The following MILR1 variants were observed in gnomAD, a reference collection of about 807,000 sequenced individuals.
The protein encoded by MILR1 is mast cell immunoglobulin like receptor 1, also known as allergin-1.
In MILR1, 31 loss-of-function variants were observed where a neutral mutation model predicts 18.5. The ratio of observed to expected loss-of-function variants is 1.68; its 90% CI spans 1.26 to 2.26. MILR1 has a LOEUF of 2.26. Ranked by LOEUF, MILR1 falls within the 30% of genes most tolerant of loss-of-function variation. The pLI is 0.00. For synonymous variants in MILR1, 85 were observed against 56.2 expected (o/e 1.51, Z -2.30); for missense variants, 257 against 157.4 (o/e 1.63, Z -3.38).
chr17:64,468,995 G>A (rs1309375788), downstream of MILR1, among the ~76,000 whole-genome samples: 4 of 152,092 alleles, frequency 2.6e-5, no homozygotes, highest in South Asian at 2.1e-4. Flanking sequence ...GCTGAGGCAT[G>A]AGAATCGCTT....
chr17:64,474,916 A>C, the MILR1 span, among the ~76,000 whole-genome samples: 1 of 152,122 alleles, frequency 6.6e-6, no homozygotes, highest in Non-Finnish European at 1.5e-5. Flanking sequence ...GAGGCTGGCC[A>C]GGCACAGTGG....
chr17:64,467,808 G>A, intron 9 of MILR1, 163 bp downstream of exon 9: 1 of 491,266 alleles, frequency 2.0e-6, no homozygotes, highest in Admixed American at 3.4e-5. Context: ...GGTGGTGTGT[G>A]TGTGTAGTCC....
chr17:64,472,604 C>T (rs1411320367), downstream of MILR1, among the ~76,000 whole-genome samples: 2 of 148,104 alleles, frequency 1.4e-5, no homozygotes, highest in Non-Finnish European at 3.0e-5. Flanking sequence ...CGTGTTTTTA[C>T]TGTACCTTTT....
At chr17:64,486,222 T>C in the MILR1 span, among the ~76,000 whole-genome samples, 1 of 152,208 alleles carries the variant, frequency 6.6e-6, no homozygotes, top group African/African-American at 2.4e-5. Context: ...TTTAAAACTA[T>C]GGTGCTTGGT....
the MILR1 span, among the ~76,000 whole-genome samples, chr17:64,478,770 G>A: frequency 0.28 from 42,020 of 151,756 alleles, 11,215 homozygotes; most frequent in African/African-American, 0.7. Flanking sequence ...GGTGGCAGGC[G>A]CATGTAATCC....
rs1380448182 is a variant in MILR1 at position 64,466,484 on chromosome 17, C to G, written c.896C>G (p.Ser299Cys). The G allele has an allele frequency of 6.2e-7, 1 of 1,613,706 alleles. No homozygotes were observed. Among genetic ancestry groups the G allele is most frequent in the Non-Finnish European group, 8.5e-7 (1 of 1,179,840 alleles). The change falls in exon 7 of 10, where the codon TCC becomes TGC. Residue 299 changes from serine (S) to cysteine (C), a missense_variant. By Grantham distance (112) the Ser-to-Cys change is moderately radical. Coordinates refer to ENST00000619286, the MANE Select transcript of MILR1 (RefSeq NM_001085423.2). Reference sequence around the variant, plus strand: ...GAAGTGGGATCCAGGCCGTGTGTTTCCACAGCCCAAGATGGTGAGCATGTT... The same window carrying G: ...GAAGTGGGATCCAGGCCGTGTGTTTGCACAGCCCAAGATGGTGAGCATGTT... ...VPEVGSRPCV[S>C]TAQDEAKHSQ...
At chr17:64,454,488 A>G (rs2037246108) in intron 3 of MILR1, among the ~76,000 whole-genome samples, 1 of 152,230 alleles carries the variant, frequency 6.6e-6, no homozygotes, top group Non-Finnish European at 1.5e-5. Flanking sequence ...TGGCTGCCAC[A>G]TTGGACAACA....
the MILR1 span, among the ~76,000 whole-genome samples, chr17:64,495,399 G>C: frequency 6.6e-6 from 1 of 151,964 alleles, no homozygotes; most frequent in African/African-American, 2.4e-5. Context: ...GGACAACATG[G>C]CAAAACCTCA....
intron 4 of MILR1, among the ~76,000 whole-genome samples, chr17:64,458,317 A>C (rs1480785050): frequency 6.6e-6 from 1 of 150,816 alleles, no homozygotes; most frequent in East Asian, 2.0e-4. Flanking sequence ...GGTTCTAGAG[A>C]TTCTTGTGCC....
At chr17:64,495,377 C>G in the MILR1 span, among the ~76,000 whole-genome samples, 1 of 152,024 alleles carries the variant, frequency 6.6e-6, no homozygotes, top group Non-Finnish European at 1.5e-5. Flanking sequence ...CTCAGGAGTT[C>G]AAGACCAGCC....
chr17:64,449,771 TA>T (rs1187934007), intron 2 of MILR1, among the ~76,000 whole-genome samples: 1 of 151,796 alleles, frequency 6.6e-6, no homozygotes, highest in Non-Finnish European at 1.5e-5. Context: ...CCTCGTTTCT[TA>T]AAAAAATAAA....
intron 2 of MILR1, among the ~76,000 whole-genome samples, chr17:64,450,255 T>C (rs2037138889): frequency 6.6e-6 from 1 of 152,030 alleles, no homozygotes; most frequent in African/African-American, 2.4e-5. Flanking sequence ...TGAAGTGGGC[T>C]AATAAAAGCA....
At chr17:64,452,080 ATGT>A (rs2037184418) in intron 2 of MILR1, among the ~76,000 whole-genome samples, 1 of 110,202 alleles carries the variant, frequency 9.1e-6, no homozygotes, top group African/African-American at 3.5e-5. Flanking sequence ...GGTCCCAGCT[ATGT>A]TTTTTTTTTT....
downstream of MILR1, among the ~76,000 whole-genome samples, chr17:64,472,144 A>G (rs2037695077): frequency 6.6e-6 from 1 of 152,186 alleles, no homozygotes; most frequent in East Asian, 1.9e-4. Flanking sequence ...TAATTAGATG[A>G]AACATTTAAA....
chr17:64,465,555 G>A lies in MILR1; in HGVS notation c.853+14G>A. Reference sequence around the variant, plus strand: ...AAAAACAAGCAAGTAAGAGAACTTTGTTGCGTGTTTTGGGTGGTTTCAGGT... The same window carrying A: ...AAAAACAAGCAAGTAAGAGAACTTTATTGCGTGTTTTGGGTGGTTTCAGGT... On this transcript the variant is annotated intron_variant, in intron 6 of 9. Coordinates refer to ENST00000619286, the MANE Select transcript of MILR1 (RefSeq NM_001085423.2). 1 of 1,596,080 alleles carries A rather than the reference G, an allele frequency of 6.3e-7. No homozygotes were observed. The highest frequency in any genetic ancestry group is 1.1e-5 in the South Asian group (1 of 87,794).
At chr17:64,486,995 T>A in the MILR1 span, 1 of 152,230 alleles carries the variant, frequency 6.6e-6, no homozygotes, top group Admixed American at 6.5e-5. Flanking sequence ...CACTTTCATC[T>A]TTCTTTTTTT....
the MILR1 span, chr17:64,480,448 T>C: frequency 1.2e-6 from 1 of 842,250 alleles, no homozygotes; most frequent in Non-Finnish European, 2.0e-6. Context: ...AGAGTGATTA[T>C]TCTATTTTTG....
downstream of MILR1, among the ~76,000 whole-genome samples, chr17:64,471,188 A>G (rs1228616669): frequency 6.6e-6 from 1 of 152,064 alleles, no homozygotes; most frequent in Non-Finnish European, 1.5e-5. Context: ...AGGTGGCCCT[A>G]GGAAGCAGGC....
At chr17:64,471,828 A>T (rs1419780273), downstream of MILR1, among the ~76,000 whole-genome samples, 1 of 152,234 alleles carries the variant, frequency 6.6e-6, no homozygotes, top group Non-Finnish European at 1.5e-5. Context: ...GAACAATGGA[A>T]CGGAAAGTCC....
Sources: allele counts gnomAD v4.1 joint callset (sites outside exome capture counted in the v4.1 genomes callset), GRCh38; gene constraint gnomAD v4.1.1; transcripts MANE v1.5; gene names NCBI Gene and HGNC (gene_info 2026-07-23, HGNC 2026-07-21).